DLGAP2: variants seen among roughly 807,000 people sequenced by gnomAD.
DLGAP2 encodes the protein DLG associated protein 2.
In DLGAP2, 26 loss-of-function variants were observed where a neutral mutation model predicts 100.3. The ratio of observed to expected loss-of-function variants is 0.26; its 90% CI spans 0.19 to 0.36. DLGAP2 has a LOEUF of 0.36. Ranked by LOEUF, DLGAP2 falls within the 10% of genes least tolerant of loss-of-function variation. The pLI is 1.00. For synonymous variants in DLGAP2, 886 were observed against 630.1 expected (o/e 1.41, Z -6.08); for missense variants, 1,858 against 1,453.2 (o/e 1.28, Z -4.53).
chr8:1,326,140 T>C (rs903873599), intron 3 of DLGAP2, among the ~76,000 whole-genome samples: 1 of 152,340 alleles, frequency 6.6e-6, no homozygotes, highest in South Asian at 2.1e-4. Flanking sequence ...TTTTGTTTGC[T>C]CCTTAATGCT....
At chr8:866,692 G>T (rs1797504372) in intron 1 of DLGAP2, among the ~76,000 whole-genome samples, 1 of 152,142 alleles carries the variant, frequency 6.6e-6, no homozygotes, top group African/African-American at 2.4e-5. Flanking sequence ...TGGCCACCAC[G>T]CCAGGGCCTT....
chr8:856,425 T>A (rs1397803466), intron 1 of DLGAP2, among the ~76,000 whole-genome samples: 1 of 152,054 alleles, frequency 6.6e-6, no homozygotes, highest in Admixed American at 6.6e-5. Context: ...TGACCTGAGG[T>A]GATCTGCCCA....
intron 2 of DLGAP2, among the ~76,000 whole-genome samples, chr8:1,143,901 G>A (rs1412359535): frequency 2.0e-5 from 3 of 152,198 alleles, no homozygotes; most frequent in African/African-American, 7.2e-5. Flanking sequence ...AGCTCAGCTA[G>A]CAACATAACA....
At chr8:1,065,601 A>G (rs1292202700) in intron 2 of DLGAP2, among the ~76,000 whole-genome samples, 7 of 152,194 alleles carry the variant, frequency 4.6e-5, no homozygotes. Context: ...TAATTATGAA[A>G]TGTTTAAAAG....
chr8:995,096 G>C (rs978739971), intron 2 of DLGAP2, among the ~76,000 whole-genome samples: 4 of 152,070 alleles, frequency 2.6e-5, no homozygotes, highest in Non-Finnish European at 5.9e-5. Context: ...CAAATGAAAA[G>C]GAATACATAA....
At chr8:1,592,893 T>C (rs962710604) in intron 6 of DLGAP2, among the ~76,000 whole-genome samples, 3 of 152,160 alleles carry the variant, frequency 2.0e-5, no homozygotes, top group Admixed American at 6.5e-5. Context: ...AGCATTTTAG[T>C]TTCAAATGGA....
At chr8:1,530,753 C>T (rs1037983792) in intron 4 of DLGAP2, among the ~76,000 whole-genome samples, 2 of 152,228 alleles carry the variant, frequency 1.3e-5, no homozygotes, top group African/African-American at 4.8e-5. Flanking sequence ...TTCAGCCAGT[C>T]CCTCCGTCTG....
chr8:856,110 A>G (rs1040358368), intron 1 of DLGAP2, among the ~76,000 whole-genome samples: 1 of 152,094 alleles, frequency 6.6e-6, no homozygotes. Flanking sequence ...ATAAAAATGC[A>G]TTTGTCAACA....
At chr8:1,318,897 G>T (rs894447121) in intron 3 of DLGAP2, among the ~76,000 whole-genome samples, 1 of 150,084 alleles carries the variant, frequency 6.7e-6, no homozygotes, top group Non-Finnish European at 1.5e-5. Flanking sequence ...GAAGGGTCCA[G>T]TGGGTCCCCA....
intron 3 of DLGAP2, among the ~76,000 whole-genome samples, chr8:1,339,115 G>A (rs1158554078): frequency 4.0e-5 from 6 of 149,740 alleles, no homozygotes; most frequent in South Asian, 2.1e-4. Flanking sequence ...GTCAGGACCC[G>A]GGAGGGAATG....
chr8:1,090,790 A>T (rs966172556), intron 2 of DLGAP2, among the ~76,000 whole-genome samples: 1 of 152,216 alleles, frequency 6.6e-6, no homozygotes, highest in Admixed American at 6.5e-5. Flanking sequence ...TTTAGTACAA[A>T]AGCTGAATGT....
chr8:1,079,851 A>C (rs1032201247), intron 2 of DLGAP2, among the ~76,000 whole-genome samples: 1 of 152,252 alleles, frequency 6.6e-6, no homozygotes, highest in Non-Finnish European at 1.5e-5. Flanking sequence ...AGGATTTCAC[A>C]GGAGAGCAGC....
intron 3 of DLGAP2, among the ~76,000 whole-genome samples, chr8:1,367,332 C>G (rs867936010): frequency 2.6e-5 from 4 of 152,212 alleles, no homozygotes; most frequent in African/African-American, 9.6e-5. Context: ...TTTGGATTCT[C>G]CTTTTCATCT....
chr8:1,282,683 C>T lies in DLGAP2; in HGVS notation c.106+23800C>T, dbSNP rs1379101137. Among the ~76,000 whole-genome samples, 308 of 135,922 alleles carry T rather than the reference C, an allele frequency of 2.3e-3. 26 individuals are homozygous for T. The highest frequency in any genetic ancestry group is 4.0e-3 in the Non-Finnish European group (249 of 62,406). The allele number at this position is 135,922 out of a possible 152,430, so 89.2% of individuals were successfully genotyped here. ...CAGACGTGGTGTGACCTGAACCCAG[C>T]GCATGAACCATCCAGACGTGGTGTG... On this transcript the variant is annotated intron_variant, in intron 3 of 14. Transcript: ENST00000637795.
intron 2 of DLGAP2, among the ~76,000 whole-genome samples, chr8:1,058,547 A>G (rs1802953589): frequency 6.6e-6 from 1 of 152,206 alleles, no homozygotes; most frequent in East Asian, 1.9e-4. Context: ...TGGTTCAGCA[A>G]TGGGGAGCAC....
At chr8:1,283,465 A>G (rs1014105964) in intron 3 of DLGAP2, among the ~76,000 whole-genome samples, 8 of 152,270 alleles carry the variant, frequency 5.3e-5, no homozygotes, top group African/African-American at 7.2e-5. Context: ...AAAATAAACT[A>G]CAAATGTATC....
intron 8 of DLGAP2, among the ~76,000 whole-genome samples, chr8:1,664,581 G>A (rs1030603176): frequency 2.0e-5 from 3 of 152,118 alleles, no homozygotes; most frequent in African/African-American, 7.2e-5. Context: ...CTTTACGTCG[G>A]TGCCCAACGT....
chr8:1,113,969 C>G (rs1408093792), intron 2 of DLGAP2, among the ~76,000 whole-genome samples: 2 of 152,052 alleles, frequency 1.3e-5, no homozygotes, highest in African/African-American at 2.4e-5. Context: ...TGGTTTTTGT[C>G]TTTAGTTCTG....
At position 987,301 on chromosome 8, in the gene DLGAP2, C is replaced by T. The variant is rs1037886121; in HGVS notation, c.73+79335C>T. On this transcript the variant is annotated intron_variant, in intron 2 of 14. Transcript: ENST00000637795. Reference sequence around the variant, plus strand: ...GGTGAGCTCAGCTGCAGGTTTAGGACGTGTCCACGGGTCCTGCTGGGATTC... The same window carrying T: ...GGTGAGCTCAGCTGCAGGTTTAGGATGTGTCCACGGGTCCTGCTGGGATTC... Among the ~76,000 whole-genome samples the T allele has an allele frequency of 7.2e-5, 11 of 152,116 alleles. No individual in the cohort carries two copies. The East Asian group carries it at 1.6e-3, about 21-fold the overall frequency.
Sources: gnomAD v4.1 joint callset for allele counts (sites outside exome capture counted in the v4.1 genomes callset) on GRCh38, gnomAD v4.1.1 for gene constraint, MANE v1.5 for transcripts, NCBI Gene and HGNC (gene_info 2026-07-23, HGNC 2026-07-21) for gene names.